LCA5L: variants seen among roughly 807,000 people sequenced by gnomAD.
LCA5L encodes the protein lebercilin LCA5 like.
Under a neutral mutation model 45.4 loss-of-function variants are expected in LCA5L, and 35 were observed. The observed-to-expected ratio is 0.77, with a 90% CI of 0.59 to 1.02. The LOEUF is 1.02. Among genes scored for constraint, LCA5L ranks in the 50% least tolerant of loss-of-function variants. The pLI, the probability that LCA5L is intolerant of heterozygous loss-of-function variation, is 0.00. For synonymous variants in LCA5L, 233 were observed against 264.7 expected, an observed-to-expected ratio of 0.88 and a Z score of 1.16; for missense variants, 668 against 761.6, an observed-to-expected ratio of 0.88 and a Z score of 1.45.
intron 2 of LCA5L, among the ~76,000 whole-genome samples, chr21:39,441,113 A>G (rs1349771110): frequency 1.3e-5 from 2 of 152,052 alleles, no homozygotes; most frequent in African/African-American, 2.4e-5. Context: ...AGGTGGGCAG[A>G]TCACTTGGGC....
At chr21:39,419,342 C>G (rs1441605199) in intron 7 of LCA5L, among the ~76,000 whole-genome samples, 1 of 151,854 alleles carries the variant, frequency 6.6e-6, no homozygotes, top group Non-Finnish European at 1.5e-5. Flanking sequence ...CTGGGCAACA[C>G]AGCGAGACCC....
chr21:39,430,816 G>A (rs1233757607), intron 3 of LCA5L, among the ~76,000 whole-genome samples: 4 of 152,038 alleles, frequency 2.6e-5, no homozygotes, highest in Admixed American at 6.6e-5. Context: ...CAATCTAATC[G>A]CCAGTCACTG....
chr21:39,410,305 G>C lies in LCA5L; in HGVS notation c.1123C>G (p.Gln375Glu). 1.2e-6 allele frequency: 2 copies of C among 1,610,452 alleles called. No homozygotes were observed. The highest frequency in any genetic ancestry group is 1.7e-6 in the Non-Finnish European group (2 of 1,178,684). Residue 375 changes from glutamine (Q) to glutamate (E), a missense_variant, in exon 9 of 11, where the codon CAG (glutamine) becomes GAG (glutamate). Physicochemically the swap from Gln to Glu is conservative, Grantham distance 29. Coordinates refer to ENST00000288350, the MANE Select transcript of LCA5L (RefSeq NM_152505.4). ...GGAACATCTGATTTTTGGGTTCCCT[G>C]GTGTCTCATACTTGTGAATGGCAAA... ...KILPFTSMRH[Q>E]GTQKSDVPPL... is the part of the protein sequence containing the mutation.
In LCA5L at chr21:39,406,119, T is replaced by G; in HGVS notation, c.1776A>C (p.Arg592Ser). ...CTTCCATGAGACTGCTTTTCTTATCTCTGAAAGTTGTATCCTTCACTTTTA... is the reference window on the plus strand; with the variant it reads ...CTTCCATGAGACTGCTTTTCTTATCGCTGAAAGTTGTATCCTTCACTTTTA... Reference protein sequence around the residue: ...SRIKVKDTTFRDKKSSLMEEL... With the variant: ...SRIKVKDTTFSDKKSSLMEEL... The change falls in exon 11 of 11, where the codon AGA becomes AGC. Residue 592 changes from arginine to serine, a missense_variant. By Grantham distance (110) the Arg-to-Ser change is moderately radical. Transcript: ENST00000288350. 1.9e-6 allele frequency: 3 copies of G among 1,614,244 alleles called. No homozygotes were observed. Among genetic ancestry groups the G allele is most frequent in the South Asian group, 1.1e-5 (1 of 91,082 alleles).
In LCA5L at chr21:39,442,171, G is replaced by A. The variant is rs111912647; in HGVS notation, c.-246+1964C>T. ...GAGTTGAGATAGGAAGGGTCAGTGG[G>A]AACTAATTAGGCAAGAGAGGATGAG... On this transcript the variant is annotated intron_variant, in intron 2 of 10. Transcript: ENST00000288350. 5.3e-3 allele frequency among the ~76,000 whole-genome samples: 803 copies of A among 152,284 alleles called. 8 individuals are homozygous for A. Among genetic ancestry groups the A allele is most frequent in the African/African-American group, 0.018 (752 of 41,562 alleles).
At chr21:39,440,212 G>T (rs2076691417) in intron 2 of LCA5L, among the ~76,000 whole-genome samples, 1 of 152,200 alleles carries the variant, frequency 6.6e-6, no homozygotes, top group East Asian at 1.9e-4. Context: ...AATGAATTGG[G>T]GTTCCTTGGA....
chr21:39,406,149 G>C lies in LCA5L; in HGVS notation c.1746C>G (p.Ser582=). 1.2e-6 allele frequency: 2 copies of C among 1,614,172 alleles called. No homozygotes were observed. The highest frequency in any genetic ancestry group is 1.7e-6 in the Non-Finnish European group (2 of 1,180,030). The change falls in exon 11 of 11, where the codon TCC becomes TCG. Residue 582 remains serine, a synonymous_variant. Transcript: ENST00000288350. ...SGYEPSFGKS[S]RIKVKDTTFR... is the part of the protein sequence containing the mutation. ...AAGTTGTATCCTTCACTTTTATTCT[G>C]GAAGACTTACCAAATGAGGGCTCAT...
intron 2 of LCA5L, chr21:39,438,764 G>A (rs771971172): frequency 3.4e-5 from 5 of 146,462 alleles, no homozygotes; most frequent in Non-Finnish European, 7.5e-5. Context: ...ACATATTATT[G>A]TTATTATAAC....
chr21:39,416,941 CCT>C (rs1417344024), intron 7 of LCA5L, among the ~76,000 whole-genome samples: 8 of 152,152 alleles, frequency 5.3e-5, no homozygotes, highest in African/African-American at 1.4e-4. Context: ...GTCAGCGTTC[CCT>C]GTCTGCAGGT....
At chr21:39,440,344 A>G (rs768077892) in intron 2 of LCA5L, among the ~76,000 whole-genome samples, 6 of 152,198 alleles carry the variant, frequency 3.9e-5, no homozygotes, top group Non-Finnish European at 8.8e-5. Flanking sequence ...TTGAACATCA[A>G]TACCAATAAG....
intron 5 of LCA5L, among the ~76,000 whole-genome samples, chr21:39,423,778 G>C (rs1461768235): frequency 2.6e-5 from 4 of 152,164 alleles, no homozygotes; most frequent in Non-Finnish European, 4.4e-5. Context: ...TAGCCACGAA[G>C]TGACACAGAA....
intron 10 of LCA5L, among the ~76,000 whole-genome samples, chr21:39,406,988 A>T (rs1328625749): frequency 1.3e-5 from 2 of 152,206 alleles, no homozygotes; most frequent in Non-Finnish European, 1.5e-5. Context: ...GCACTTTGGG[A>T]GGCTGAGGCA....
At chr21:39,415,726 C>A (rs1027562847) in intron 7 of LCA5L, among the ~76,000 whole-genome samples, 1 of 152,178 alleles carries the variant, frequency 6.6e-6, no homozygotes, top group African/African-American at 2.4e-5. Flanking sequence ...ATTAATATAT[C>A]TCTTACTGTC....
chr21:39,417,433 G>A (rs1055293589), intron 7 of LCA5L, among the ~76,000 whole-genome samples: 2 of 152,170 alleles, frequency 1.3e-5, no homozygotes, highest in Admixed American at 1.3e-4. Context: ...AGGTTCTAGA[G>A]CTGTCCCTTC....
chr21:39,419,855 G>A (rs1361410021), intron 7 of LCA5L, among the ~76,000 whole-genome samples: 2 of 152,078 alleles, frequency 1.3e-5, no homozygotes, highest in Admixed American at 1.3e-4. Context: ...CAATCTTGAA[G>A]GCAGAAAGAT....
intron 3 of LCA5L, among the ~76,000 whole-genome samples, chr21:39,431,609 C>G (rs1374795757): frequency 6.6e-6 from 1 of 151,968 alleles, no homozygotes. Context: ...CCTCTGCCTC[C>G]CGGGTTCAAG....
intron 7 of LCA5L, chr21:39,413,999 C>T (rs1161440354): frequency 6.6e-6 from 1 of 152,208 alleles, no homozygotes; most frequent in Non-Finnish European, 1.5e-5. Flanking sequence ...TGGAGCAGAG[C>T]TTCAGGTTGG....
chr21:39,413,282 T>G (rs2040430264), intron 7 of LCA5L, among the ~76,000 whole-genome samples: 7 of 152,110 alleles, frequency 4.6e-5, no homozygotes, highest in Admixed American at 4.6e-4. Flanking sequence ...GGATGCCATC[T>G]CCACTGAGAC....
At chr21:39,424,610 T>TA in intron 5 of LCA5L, among the ~76,000 whole-genome samples, 1 of 152,308 alleles carries the variant, frequency 6.6e-6, no homozygotes, top group East Asian at 1.9e-4. Context: ...TATGGGTAAT[T>TA]AGAGTATAAC....
Sources: allele counts gnomAD v4.1 joint callset (sites outside exome capture counted in the v4.1 genomes callset), GRCh38; gene constraint gnomAD v4.1.1; transcripts MANE v1.5; gene names NCBI Gene and HGNC (gene_info 2026-07-23, HGNC 2026-07-21).